The following FGF14 variants were observed in gnomAD, a reference collection of about 807,000 sequenced individuals.
FGF14 encodes fibroblast growth factor 14.
In FGF14, 5 loss-of-function variants were observed where a neutral mutation model predicts 25.5. That is an observed-to-expected ratio of 0.20 (90% CI 0.10 to 0.41). FGF14 has a LOEUF of 0.41. FGF14 is among the 10% of genes least tolerant of loss of function. The probability of loss-of-function intolerance (pLI) is 1.00; values close to 1 mark genes in which losing one functional copy is unlikely to be tolerated. For missense variants in FGF14, 222 were observed against 320.1 expected, an observed-to-expected ratio of 0.69 and a Z score of 2.34; for synonymous variants, 138 against 118.3, an observed-to-expected ratio of 1.17 and a Z score of -1.08.
Position 101,719,790 on chromosome 13 carries a change from C to A in FGF14, c.*3041G>T, listed in dbSNP as rs150260395. ...CACACAGTCTAAATACAAATGAATT[C>A]CATCAGATTTACTATACGGAACATC... On this transcript the variant is annotated 3_prime_UTR_variant, in exon 5 of 5. Coordinates refer to ENST00000376143, the MANE Select transcript of FGF14 (RefSeq NM_004115.4). The A allele has an allele frequency of 2.4e-4, 36 of 152,058 alleles. No homozygotes were observed. Among genetic ancestry groups the A allele is most frequent in the African/African-American group, 7.5e-4 (31 of 41,496 alleles). The allele number at this position is 152,058 out of a possible 1,614,324, so 9.4% of individuals were successfully genotyped here. A position where few individuals can be genotyped will look rare whatever the true frequency, so the allele number is the denominator to read the frequency against.
intron 1 of FGF14, among the ~76,000 whole-genome samples, chr13:102,378,631 C>CTATCTATATATATA (rs757841395): frequency 1.4e-5 from 2 of 141,826 alleles, no homozygotes; most frequent in African/African-American, 5.3e-5. Context: ...ATCTATCTAT[C>CTATCTATATATATA]TATATATATA....
Position 102,012,079 on chromosome 13 carries a change from C to T in FGF14, c.209-136783G>A, listed in dbSNP as rs1385474880. Among the ~76,000 whole-genome samples, 4 of 152,210 alleles carry T rather than the reference C, an allele frequency of 2.6e-5. No individual in the cohort carries two copies. In the East Asian group the frequency reaches 7.7e-4, roughly 29 times the overall value. On this transcript the variant is annotated intron_variant, in intron 1 of 4. Coordinates refer to the FGF14 transcript ENST00000376131. Reference sequence around the variant, plus strand: ...GGAGTAAAATATCACTGTCTTTTATCATGCTGCCACTGAGGGAGATGTCAC... The same window carrying T: ...GGAGTAAAATATCACTGTCTTTTATTATGCTGCCACTGAGGGAGATGTCAC...
chr13:102,379,275 TA>T (rs1439466958), intron 1 of FGF14, among the ~76,000 whole-genome samples: 1 of 152,160 alleles, frequency 6.6e-6, no homozygotes, highest in East Asian at 1.9e-4. Flanking sequence ...AATATTACTC[TA>T]ACTACATTCA....
rs1445972310 is a variant in FGF14 at position 101,710,837 on chromosome 13, A to C, written c.*11994T>G. Reference sequence around the variant, plus strand: ...AGAAATAGCGTTTTATTTCTTTACAAATTTATAGCCAAGACAATAAATCAC... The same window carrying C: ...AGAAATAGCGTTTTATTTCTTTACACATTTATAGCCAAGACAATAAATCAC... On this transcript the variant is annotated 3_prime_UTR_variant, in exon 5 of 5. Transcript: ENST00000376143. 1 of 152,180 alleles carries C rather than the reference A, an allele frequency of 6.6e-6. No homozygotes were observed. Among genetic ancestry groups the C allele is most frequent in the Non-Finnish European group, 1.5e-5 (1 of 68,028 alleles). 9.4% of individuals were successfully genotyped at this position (152,180 alleles called of 1,614,324 possible).
intron 1 of FGF14, among the ~76,000 whole-genome samples, chr13:102,318,417 T>C (rs1324563518): frequency 2.0e-5 from 3 of 152,078 alleles, no homozygotes; most frequent in African/African-American, 7.2e-5. Context: ...ACAACAGACA[T>C]GTATTGTCTC....
rs2042380267 is a variant in FGF14, at chr13:102,055,258, T to C, written c.209-179962A>G. Among the ~76,000 whole-genome samples, 4 of 152,226 alleles carry C rather than the reference T, an allele frequency of 2.6e-5. No homozygotes were observed. The South Asian group carries it at 8.3e-4, about 32-fold the overall frequency. Reference sequence around the variant, plus strand: ...ATACATGCTGAGGCTCTTTTGATTGTCTGCTTATGCACATACTATTCCCTG... The same window carrying C: ...ATACATGCTGAGGCTCTTTTGATTGCCTGCTTATGCACATACTATTCCCTG... On this transcript the variant is annotated intron_variant, in intron 1 of 4. Transcript: ENST00000376131.
intron 1 of FGF14, among the ~76,000 whole-genome samples, chr13:102,026,942 T>C (rs2040959360): frequency 6.6e-6 from 1 of 152,020 alleles, no homozygotes; most frequent in Admixed American, 6.6e-5. Context: ...TTAGATTCTG[T>C]TAATAGGTTG....
At chr13:102,146,353 G>A (rs755739452) in intron 1 of FGF14, among the ~76,000 whole-genome samples, 3 of 152,008 alleles carry the variant, frequency 2.0e-5, no homozygotes, top group Non-Finnish European at 4.4e-5. Flanking sequence ...TCATTTTAAG[G>A]TAAGCATTAG....
At chr13:102,227,139 A>G (rs1300303054) in intron 1 of FGF14, among the ~76,000 whole-genome samples, 1 of 152,002 alleles carries the variant, frequency 6.6e-6, no homozygotes, top group Admixed American at 6.6e-5. Flanking sequence ...TAAAGCCTAT[A>G]TTATTATTAT....
At position 102,139,046 on chromosome 13, in the gene FGF14, C is replaced by A. The variant is rs142419296; in HGVS notation, c.208+262425G>T. Among the ~76,000 whole-genome samples, 198 of 152,272 alleles carry A rather than the reference C, an allele frequency of 1.3e-3. 2 individuals are homozygous for A. Among genetic ancestry groups the A allele is most frequent in the African/African-American group, 4.5e-3 (185 of 41,558 alleles). ...AAAATTCCCTTTGATGGTCTTGCTA[C>A]AAGTTCCATGTAAACAATGTATTCC... is the stretch of plus-strand genomic sequence containing the variant. On this transcript the variant is annotated intron_variant, in intron 1 of 4. Coordinates refer to the FGF14 transcript ENST00000376131.
chr13:102,263,111 G>A (rs891950527), intron 1 of FGF14: 14 of 624,572 alleles, frequency 2.2e-5, no homozygotes, highest in East Asian at 1.1e-4. Context: ...ACCAGTTTTC[G>A]TCTAAATCCA....
At chr13:101,796,250 T>C (rs1169474168) in intron 3 of FGF14, among the ~76,000 whole-genome samples, 2 of 152,102 alleles carry the variant, frequency 1.3e-5, no homozygotes, top group African/African-American at 4.8e-5. Context: ...AAATTCTCAA[T>C]GATCACTCTA....
At chr13:101,845,780 A>G (rs1423429147) in intron 3 of FGF14, among the ~76,000 whole-genome samples, 1 of 151,938 alleles carries the variant, frequency 6.6e-6, no homozygotes, top group African/African-American at 2.4e-5. Context: ...ATGCAGTGGG[A>G]TTAGGGGCAG....
intron 1 of FGF14, among the ~76,000 whole-genome samples, chr13:101,884,346 C>T (rs1487100338): frequency 1.3e-5 from 2 of 151,916 alleles, no homozygotes; most frequent in African/African-American, 4.8e-5. Flanking sequence ...AATGTTTAAT[C>T]TGAAGATGAT....
chr13:102,040,586 G>C (rs1241754667), intron 1 of FGF14, among the ~76,000 whole-genome samples: 1 of 152,122 alleles, frequency 6.6e-6, no homozygotes. Flanking sequence ...CGCTAGGAAA[G>C]CTTCTTTGTA....
intron 1 of FGF14, among the ~76,000 whole-genome samples, chr13:102,311,251 G>A (rs993795476): frequency 5.3e-5 from 8 of 152,142 alleles, no homozygotes; most frequent in Non-Finnish European, 1.2e-4. Context: ...GTCATGAACA[G>A]ATCACACTGC....
intron 3 of FGF14, among the ~76,000 whole-genome samples, chr13:101,828,537 AGT>A (rs2042516762): frequency 6.6e-6 from 1 of 151,104 alleles, no homozygotes; most frequent in African/African-American, 2.4e-5. Context: ...CCTGATAATC[AGT>A]GTTATCATGA....
At chr13:101,794,339 G>A (rs1224911042) in intron 3 of FGF14, among the ~76,000 whole-genome samples, 2 of 151,938 alleles carry the variant, frequency 1.3e-5, no homozygotes, top group African/African-American at 4.8e-5. Flanking sequence ...CATCTGATTT[G>A]GTCAGTAGTC....
At chr13:101,988,620 A>G (rs1235905811) in intron 1 of FGF14, among the ~76,000 whole-genome samples, 1 of 148,042 alleles carries the variant, frequency 6.8e-6, no homozygotes, top group Non-Finnish European at 1.5e-5. Context: ...AAAACCAGAC[A>G]CCACGTGTTC....
Sources: gnomAD v4.1 joint callset for allele counts (sites outside exome capture counted in the v4.1 genomes callset) on GRCh38, gnomAD v4.1.1 for gene constraint, MANE v1.5 for transcripts, NCBI Gene and HGNC (gene_info 2026-07-23, HGNC 2026-07-21) for gene names.